ZNF827: variants seen among roughly 807,000 people sequenced by gnomAD.
ZNF827 encodes the protein zinc finger protein 827.
A neutral mutation model predicts 102.4 loss-of-function variants in ZNF827; 13 were observed. The observed-to-expected ratio is 0.13, with a 90% CI of 0.08 to 0.20. The LOEUF is 0.20. ZNF827 is among the 10% of genes least tolerant of loss of function. The pLI is 1.00. For synonymous variants in ZNF827, 523 were observed against 536.2 expected (o/e 0.98, Z 0.34); for missense variants, 1,103 against 1,344.4 (o/e 0.82, Z 2.81).
intron 8 of ZNF827, among the ~76,000 whole-genome samples, chr4:145,814,579 C>A (rs1742375706): frequency 6.6e-6 from 1 of 150,386 alleles, no homozygotes; most frequent in African/African-American, 2.5e-5. Flanking sequence ...TTCCATCTTG[C>A]TACCAGTGTT....
chr4:145,849,229 T>C lies in ZNF827; in HGVS notation c.2221+93A>G, dbSNP rs575961733. 1,002 of 1,458,732 alleles carry C rather than the reference T, an allele frequency of 6.9e-4. 12 individuals carry two copies. Among genetic ancestry groups the C allele is most frequent in the Admixed American group, 2.4e-4 (10 of 42,274 alleles). 90.4% of individuals were successfully genotyped at this position (1,458,732 alleles called of 1,614,324 possible). ...ATTGATTTCTGTCTAAAAAATCCTA[T>C]AATTCAGGTTTTTTTTTTTAAAAAA... On this transcript the variant is annotated intron_variant, in intron 6 of 14. Transcript: ENST00000508784.
chr4:145,808,039 TTTG>T (rs1741648577), intron 8 of ZNF827, among the ~76,000 whole-genome samples: 1 of 150,552 alleles, frequency 6.6e-6, no homozygotes, highest in Non-Finnish European at 1.5e-5. Flanking sequence ...GTTAAAAGCA[TTTG>T]CAAGAGTACA....
chr4:145,808,340 C>T (rs141797496), intron 8 of ZNF827, among the ~76,000 whole-genome samples: 1 of 152,206 alleles, frequency 6.6e-6, no homozygotes, highest in East Asian at 1.9e-4. Context: ...GGCCTCTTTC[C>T]CATTCCTATA....
At chr4:145,779,714 A>G (rs577409992) in intron 8 of ZNF827, among the ~76,000 whole-genome samples, 2 of 152,216 alleles carry the variant, frequency 1.3e-5, no homozygotes, top group East Asian at 3.9e-4. Context: ...GTGGATTCCG[A>G]CCCCTGTCAA....
chr4:145,766,100 T>C (rs781609632), intron 11 of ZNF827, among the ~76,000 whole-genome samples: 1 of 152,238 alleles, frequency 6.6e-6, no homozygotes, highest in Non-Finnish European at 1.5e-5. Flanking sequence ...GCACAACTGT[T>C]ATCAGCCCCA....
chr4:145,904,086 G>A (rs1579528942), intron 1 of ZNF827, among the ~76,000 whole-genome samples: 2 of 152,288 alleles, frequency 1.3e-5, no homozygotes, highest in East Asian at 3.9e-4. Context: ...ACACTCTCAT[G>A]CACCAGTTAG....
intron 5 of ZNF827, among the ~76,000 whole-genome samples, chr4:145,861,616 A>G (rs1443340067): frequency 6.6e-6 from 1 of 152,166 alleles, no homozygotes. Context: ...ATCCAAGAGG[A>G]AGGCCTAGGC....
At chr4:145,844,964 C>T (rs1164718301) in intron 7 of ZNF827, among the ~76,000 whole-genome samples, 2 of 152,208 alleles carry the variant, frequency 1.3e-5, no homozygotes, top group Admixed American at 1.3e-4. Context: ...CTGTTCCCAT[C>T]AGGAAGAATC....
intron 5 of ZNF827, among the ~76,000 whole-genome samples, chr4:145,864,546 A>G (rs774847422): frequency 6.6e-6 from 1 of 151,854 alleles, no homozygotes; most frequent in Admixed American, 6.6e-5. Flanking sequence ...GTGAGCTATG[A>G]TCACACCATT....
At chr4:145,927,298 T>C (rs72958609) in intron 1 of ZNF827, among the ~76,000 whole-genome samples, 10,444 of 152,246 alleles carry the variant, frequency 0.069, 622 homozygotes, top group African/African-American at 0.16. Context: ...CGTTCTACTA[T>C]TCTCTGCTTA....
In ZNF827 at chr4:145,761,670, AC is replaced by A; in HGVS notation, c.*18-73del. The stretch of plus-strand genomic sequence containing the variant: ...AGGCAGCCGCGCTTCTCGCCGCCTC[AC>A]CAGCCTTCCCTCACACCACCCCCCA... On this transcript the variant is annotated intron_variant, in intron 14 of 14. Transcript: ENST00000508784. The surrounding 1 kb of genome is among the most constrained non-coding windows in gnomAD (Gnocchi z 6.8). The A allele has an allele frequency of 1.0e-6, 1 of 973,894 alleles. No homozygotes were observed. The highest frequency in any genetic ancestry group is 1.4e-6 in the Non-Finnish European group (1 of 730,118). The allele number at this position is 973,894 out of a possible 1,614,324, so 60.3% of individuals were successfully genotyped here. A position where few individuals can be genotyped will look rare whatever the true frequency, so the allele number is the denominator to read the frequency against.
intron 5 of ZNF827, among the ~76,000 whole-genome samples, chr4:145,853,334 T>C (rs557683739): frequency 3.3e-5 from 5 of 152,330 alleles, no homozygotes; most frequent in Admixed American, 2.0e-4. Context: ...ACACAGGATT[T>C]TACTCTTTCC....
chr4:145,782,662 C>A (rs1738259917), intron 8 of ZNF827, among the ~76,000 whole-genome samples: 1 of 152,196 alleles, frequency 6.6e-6, no homozygotes, highest in African/African-American at 2.4e-5. Flanking sequence ...CCAGAATGAT[C>A]TTTCCGAGGC....
At chr4:145,835,294 G>A (rs1245744409) in intron 7 of ZNF827, 7 of 152,268 alleles carry the variant, frequency 4.6e-5, no homozygotes, top group African/African-American at 7.2e-5. Flanking sequence ...CACAGTGGAA[G>A]GTAAGCCCGT....
At chr4:145,871,614 G>C (rs182807153) in intron 4 of ZNF827, among the ~76,000 whole-genome samples, 195 of 152,244 alleles carry the variant, frequency 1.3e-3, no homozygotes, top group African/African-American at 4.3e-3. Flanking sequence ...TCCTAATACA[G>C]GATTCTTAGA....
intron 1 of ZNF827, among the ~76,000 whole-genome samples, chr4:145,919,417 G>A (rs770257146): frequency 2.5e-4 from 38 of 152,320 alleles, no homozygotes; most frequent in Admixed American, 5.2e-4. Context: ...ACTCATGAAA[G>A]GGAGAGCTCA....
intron 8 of ZNF827, among the ~76,000 whole-genome samples, chr4:145,803,451 G>A (rs1741114254): frequency 6.6e-6 from 1 of 151,630 alleles, no homozygotes; most frequent in Admixed American, 6.6e-5. Flanking sequence ...CTAGCAAACA[G>A]TGTATCAGGA....
rs575225087 is a variant in ZNF827 at position 145,851,645 on chromosome 4, T to C, written c.1982-2084A>G. Reference sequence around the variant, plus strand: ...CACATGCTTCTCAGGGAAAACTGTTTTTTGTCAACAACTAAACTGCAGGCA... The same window carrying C: ...CACATGCTTCTCAGGGAAAACTGTTCTTTGTCAACAACTAAACTGCAGGCA... On this transcript the variant is annotated intron_variant, in intron 5 of 14. Transcript: ENST00000508784. Among the ~76,000 whole-genome samples the C allele has an allele frequency of 3.3e-5, 5 of 152,294 alleles. No homozygotes were observed. The South Asian group carries it at 1.0e-3, about 32-fold the overall frequency.
At chr4:145,876,904 C>T (rs1749193034) in intron 4 of ZNF827, 1 of 152,126 alleles carries the variant, frequency 6.6e-6, no homozygotes, top group African/African-American at 2.4e-5. Flanking sequence ...CCATTTGCCA[C>T]TATGTGAAAC....
Sources: allele counts gnomAD v4.1 joint callset (sites outside exome capture counted in the v4.1 genomes callset), GRCh38; gene constraint gnomAD v4.1.1; non-coding constraint Gnocchi (gnomAD v3.1); transcripts MANE v1.5; gene names NCBI Gene and HGNC (gene_info 2026-07-23, HGNC 2026-07-21).